TRIM24: variants seen among roughly 807,000 people sequenced by gnomAD.
TRIM24 encodes the protein transcription intermediary factor 1-alpha.
In TRIM24, 29 loss-of-function variants were observed where a neutral mutation model predicts 123.9. The observed-to-expected ratio is 0.23, with a 90% CI of 0.17 to 0.32. TRIM24 has a LOEUF of 0.32. Among genes scored for constraint, TRIM24 ranks in the 10% least tolerant of loss-of-function variants. TRIM24 has a pLI of 1.00. For synonymous variants in TRIM24, 456 were observed against 461.1 expected, an observed-to-expected ratio of 0.99 and a Z score of 0.14; for missense variants, 932 against 1,295.3, an observed-to-expected ratio of 0.72 and a Z score of 4.31.
chr7:138,495,027 T>A (rs935972226), intron 1 of TRIM24, among the ~76,000 whole-genome samples: 5 of 152,170 alleles, frequency 3.3e-5, no homozygotes, highest in African/African-American at 1.2e-4. Context: ...TATTGTTAAG[T>A]GAAAACAACA....
intron 6 of TRIM24, among the ~76,000 whole-genome samples, chr7:138,537,066 G>T (rs1045188821): frequency 2.0e-5 from 3 of 152,262 alleles, no homozygotes; most frequent in East Asian, 3.9e-4. Context: ...CGTTGGAAAA[G>T]CTCAGTATTA....
At chr7:138,542,075 C>CA (rs1468443701) in intron 7 of TRIM24, among the ~76,000 whole-genome samples, 1 of 152,192 alleles carries the variant, frequency 6.6e-6, no homozygotes, top group East Asian at 1.9e-4. Flanking sequence ...ATCAAGACCA[C>CA]AAAACTTTCT....
In TRIM24 at chr7:138,519,123, A is replaced by G. The variant is rs749937870; in HGVS notation, c.632-66A>G. ...CAATAGATGTGAATTCAAATGAGCA[A>G]TCTAATAATTATTTACTATTCAATT... On this transcript the variant is annotated intron_variant, in intron 3 of 18. Coordinates refer to ENST00000343526, the MANE Select transcript of TRIM24 (RefSeq NM_015905.3). 11 of 1,580,984 alleles carry G rather than the reference A, an allele frequency of 7.0e-6. No individual in the cohort carries two copies. In the Admixed American group the frequency reaches 8.5e-5, roughly 12 times the overall value.
At chr7:138,518,880 C>T (rs1000584661) in intron 3 of TRIM24, among the ~76,000 whole-genome samples, 2 of 152,204 alleles carry the variant, frequency 1.3e-5, no homozygotes, top group African/African-American at 4.8e-5. Context: ...TACTCATTTA[C>T]CAGGGCTGTC....
At chr7:138,538,382 C>CT (rs1179283509) in intron 6 of TRIM24, among the ~76,000 whole-genome samples, 1 of 152,096 alleles carries the variant, frequency 6.6e-6, no homozygotes, top group Non-Finnish European at 1.5e-5. Flanking sequence ...CTAATCTTTC[C>CT]TTTTTTGTGT....
At chr7:138,490,286 T>C (rs982035214) in intron 1 of TRIM24, among the ~76,000 whole-genome samples, 3 of 152,220 alleles carry the variant, frequency 2.0e-5, no homozygotes, top group Non-Finnish European at 4.4e-5. Flanking sequence ...TTCCTTGTGA[T>C]GGGTTTGAAC....
intron 6 of TRIM24, among the ~76,000 whole-genome samples, chr7:138,537,193 C>G (rs373767405): frequency 6.6e-6 from 1 of 152,200 alleles, no homozygotes; most frequent in South Asian, 2.1e-4. Context: ...CCTGCTTCGG[C>G]TCACACTCGG....
chr7:138,524,977 A>G (rs1301624370), intron 4 of TRIM24, among the ~76,000 whole-genome samples: 1 of 152,158 alleles, frequency 6.6e-6, no homozygotes, highest in African/African-American at 2.4e-5. Context: ...CACCAAGTGA[A>G]AGTGAACTCT....
chr7:138,476,063 G>T (rs1795390249), intron 1 of TRIM24, among the ~76,000 whole-genome samples: 1 of 152,020 alleles, frequency 6.6e-6, no homozygotes, highest in Non-Finnish European at 1.5e-5. Flanking sequence ...AAAAAAAGAA[G>T]CTTCAGGAGA....
intron 1 of TRIM24, among the ~76,000 whole-genome samples, chr7:138,464,034 G>A (rs10226617): frequency 3.1e-5 from 3 of 96,312 alleles, no homozygotes; most frequent in Admixed American, 1.4e-4. Flanking sequence ...TCGCTCTGTC[G>A]CCCGGGCTGG....
intron 9 of TRIM24, among the ~76,000 whole-genome samples, chr7:138,556,037 C>A (rs946138337): frequency 6.6e-6 from 1 of 152,052 alleles, no homozygotes; most frequent in Non-Finnish European, 1.5e-5. Context: ...TTTATTCTCC[C>A]TTAAGGACCA....
At chr7:138,528,916 TTTAAGA>T (rs1274412754) in intron 5 of TRIM24, among the ~76,000 whole-genome samples, 194 bp from the exon 6 acceptor site, 1 of 151,918 alleles carries the variant, frequency 6.6e-6, no homozygotes, top group African/African-American at 2.4e-5. Flanking sequence ...AAGACTTAAT[TTTAAGA>T]TTGAGTGGTG....
chr7:138,534,098 T>A (rs1448412818), intron 6 of TRIM24, among the ~76,000 whole-genome samples: 1 of 151,750 alleles, frequency 6.6e-6, no homozygotes, highest in East Asian at 1.9e-4. Context: ...TGTTTGATTG[T>A]TCTCTGTTTT....
At chr7:138,544,664 G>T (rs1284012419) in intron 7 of TRIM24, among the ~76,000 whole-genome samples, 1 of 152,166 alleles carries the variant, frequency 6.6e-6, no homozygotes, top group African/African-American at 2.4e-5. Context: ...TCCGCACCCT[G>T]GCCAACACTT....
chr7:138,581,665 T>G (rs1460796602), intron 16 of TRIM24, 32 bp from the exon 17 acceptor site: 1 of 1,542,170 alleles, frequency 6.5e-7, no homozygotes. Context: ...TTTTATAATA[T>G]TTTATCTCAG....
At chr7:138,481,301 G>T (rs1253582044) in intron 1 of TRIM24, among the ~76,000 whole-genome samples, 1 of 151,782 alleles carries the variant, frequency 6.6e-6, no homozygotes, top group East Asian at 1.9e-4. Flanking sequence ...GTCCAGGCTG[G>T]TCTCAAACTC....
chr7:138,483,104 C>CG (rs145083739), intron 1 of TRIM24, among the ~76,000 whole-genome samples: 5,056 of 150,662 alleles, frequency 0.034, 114 homozygotes, highest in South Asian at 0.075. Flanking sequence ...ATTTTTGTAG[C>CG]GGGGGGGGTC....
At chr7:138,515,123 G>A in intron 2 of TRIM24, 89 bp from the exon 3 acceptor site, 4 of 1,341,662 alleles carry the variant, frequency 3.0e-6, no homozygotes, top group South Asian at 3.7e-5. Flanking sequence ...ATTTAGCCTG[G>A]TACAATTGGT....
intron 10 of TRIM24, 117 bp from the exon 11 acceptor site, chr7:138,570,713 T>C: frequency 2.1e-6 from 2 of 954,588 alleles, no homozygotes; most frequent in South Asian, 3.7e-5. Context: ...TGTCCCATTC[T>C]CCTTCCATGT....
Sources: allele counts gnomAD v4.1 joint callset (sites outside exome capture counted in the v4.1 genomes callset), GRCh38; gene constraint gnomAD v4.1.1; transcripts MANE v1.5; gene names NCBI Gene and HGNC (gene_info 2026-07-23, HGNC 2026-07-21).